The following DECR2 variants were observed in gnomAD, a reference collection of about 807,000 sequenced individuals.
DECR2 encodes peroxisomal 2,4-dienoyl-CoA reductase [(3E)-enoyl-CoA-producing].
A neutral mutation model predicts 29.2 loss-of-function variants in DECR2; 34 were observed. That is an observed-to-expected ratio of 1.16 (90% CI 0.89 to 1.55). DECR2 has a LOEUF of 1.55. Ranked by LOEUF, DECR2 falls within the 40% of genes most tolerant of loss-of-function variation. DECR2 has a pLI of 0.00. For missense variants in DECR2, 485 were observed against 425.3 expected (o/e 1.14, Z -1.23); for synonymous variants, 224 against 182.7 (o/e 1.23, Z -1.82).
Position 410,611 on chromosome 16 carries a change from C to A in DECR2, c.463-80C>A. On this transcript the variant is annotated intron_variant, in intron 5 of 8. Transcript: ENST00000219481. The surrounding 1 kb of genome is among the most constrained non-coding windows in gnomAD (Gnocchi z 4.1). Reference sequence around the variant, plus strand: ...CGCCCGCTCCCTGCCCCGGGCCTCCCCCTGACAGCCACCCGCTCACTGTCC... The same window carrying A: ...CGCCCGCTCCCTGCCCCGGGCCTCCACCTGACAGCCACCCGCTCACTGTCC... 5 of 1,436,778 alleles carry A rather than the reference C, an allele frequency of 3.5e-6. No homozygotes were observed. Among genetic ancestry groups the A allele is most frequent in the Admixed American group, 2.0e-5 (1 of 50,662 alleles). 89.0% of individuals were successfully genotyped at this position (1,436,778 alleles called of 1,614,324 possible). A position where few individuals can be genotyped will look rare whatever the true frequency, so the allele number is the denominator to read the frequency against.
intron 1 of DECR2, among the ~76,000 whole-genome samples, chr16:403,206 A>G (rs901132277): frequency 0.017 from 1 of 60 alleles, no homozygotes; most frequent in African/African-American, 0.083. Context: ...TTTCTAGTAG[A>G]GGTGAGTGTC....
At chr16:407,768 G>C (rs78372346) in intron 4 of DECR2, among the ~76,000 whole-genome samples, 67,075 of 134,162 alleles carry the variant, frequency 0.5, 16,483 homozygotes, top group South Asian at 0.61. Context: ...CTGTCTCCGG[G>C]CCCCTGTCTC....
intron 3 of DECR2, chr16:406,928 C>G: frequency 9.7e-7 from 1 of 1,030,894 alleles, no homozygotes; most frequent in Non-Finnish European, 1.2e-6. Context: ...AAAACTTGCA[C>G]CTATCCTAAA....
In DECR2 at chr16:406,439, G is replaced by C. The variant is rs139257963; in HGVS notation, c.201+42G>C. ...CATGGTCCCCTGTTCGGGTGGCTGT[G>C]GGGGGGCTGGGGCTGGGCCTGGGCC... On this transcript the variant is annotated intron_variant, in intron 3 of 8. Transcript: ENST00000219481. 4,347 of 1,593,528 alleles carry C rather than the reference G, an allele frequency of 2.7e-3. 74 individuals carry two copies. In the African/African-American group the frequency reaches 0.043, roughly 16 times the overall value.
chr16:403,105 T>C (rs2054686638), intron 1 of DECR2: 1 of 867,896 alleles, frequency 1.2e-6, no homozygotes, highest in Non-Finnish European at 1.4e-6. Context: ...TTGAAGCAAT[T>C]CTCCTGCCTC....
intron 3 of DECR2, chr16:407,130 C>CA: frequency 2.5e-6 from 3 of 1,216,590 alleles, no homozygotes; most frequent in Non-Finnish European, 2.1e-6. Context: ...AGGAGAGTCT[C>CA]ACCTGTGCCA....
At position 410,163 on chromosome 16, in the gene DECR2, C is replaced by T. The variant is rs574205608; in HGVS notation, c.338-80C>T. The T allele has an allele frequency of 6.3e-4, 983 of 1,549,940 alleles. 1 individual carries two copies. The highest frequency in any genetic ancestry group is 8.2e-4 in the Non-Finnish European group (944 of 1,146,234). ...CACCTGGGCTCCCTCCTGCACCCTC[C>T]GCTCTGCCCACCTGGCCACCACCCA... On this transcript the variant is annotated intron_variant, in intron 4 of 8. Coordinates refer to ENST00000219481, the MANE Select transcript of DECR2 (RefSeq NM_020664.4). The surrounding 1 kb of genome is among the most constrained non-coding windows in gnomAD (Gnocchi z 4.1).
In DECR2 at chr16:408,170, T is replaced by C. The variant is rs188793746; in HGVS notation, c.337+610T>C. ...GTCTCCGGCCCCCTGTCTCCGGGCC[T>C]CTGTCTCCGGGCCTCTGTCTCCGGC... On this transcript the variant is annotated intron_variant, in intron 4 of 8. Coordinates refer to ENST00000219481, the MANE Select transcript of DECR2 (RefSeq NM_020664.4). 1.1e-3 allele frequency among the ~76,000 whole-genome samples: 76 copies of C among 67,582 alleles called. 1 individual carries two copies. Among genetic ancestry groups the C allele is most frequent in the Non-Finnish European group, 1.4e-3 (44 of 32,154 alleles). The allele number at this position is 67,582 out of a possible 152,430, so 44.3% of individuals were successfully genotyped here. A position where few individuals can be genotyped will look rare whatever the true frequency, so the allele number is the denominator to read the frequency against.
chr16:406,363 T>C lies in DECR2; in HGVS notation c.167T>C (p.Val56Ala), dbSNP rs372407781. 95 of 1,607,334 alleles carry C rather than the reference T, an allele frequency of 5.9e-5. No homozygotes were observed. In the East Asian group the frequency reaches 7.4e-4, roughly 12 times the overall value. ...TTTTGCAGGCACGGCTGCCATACGGTGATTGCCAGTAGGAGCCTGCCGCGA... is the reference window on the plus strand; with the variant it reads ...TTTTGCAGGCACGGCTGCCATACGGCGATTGCCAGTAGGAGCCTGCCGCGA... Reference protein sequence around the residue: ...EIFMRHGCHTVIASRSLPRVL... With the variant: ...EIFMRHGCHTAIASRSLPRVL... The change falls in exon 3 of 9, where the codon GTG becomes GCG. Residue 56 changes from valine (V) to alanine (A), a missense_variant. By Grantham distance (64) the Val-to-Ala change is moderately conservative. Transcript: ENST00000219481.
At chr16:405,741 C>T (rs543380108) in intron 2 of DECR2, 5 of 539,640 alleles carry the variant, frequency 9.3e-6, no homozygotes, top group East Asian at 6.9e-5. Context: ...ATGCTGTTAC[C>T]CCCAGGCCCA....
chr16:407,439 G>A lies in DECR2; in HGVS notation c.216G>A (p.Leu72=), dbSNP rs375262640. Residue 72 remains leucine, a synonymous_variant, in exon 4 of 9, where the codon CTG becomes CTA. Transcript: ENST00000219481. ...CTGGCTTCTAGGCCGCCAGGAAGCT[G>A]GCTGGGGCCACCGGCCGGCGCTGCC... ...LPRVLTAARK[L]AGATGRRCLP... 9.5e-5 allele frequency: 153 copies of A among 1,609,712 alleles called. 2 individuals carry two copies. In the Middle Eastern group the frequency reaches 1.3e-3, roughly 13 times the overall value.
chr16:405,292 C>T (rs371138838), intron 2 of DECR2: 1 of 588,342 alleles, frequency 1.7e-6, no homozygotes, highest in Non-Finnish European at 3.0e-6. Context: ...CTGTGTCGGG[C>T]CCCAGTGCTG....
intron 1 of DECR2, chr16:403,052 GAA>G (rs540150756): frequency 2.7e-5 from 21 of 786,106 alleles, no homozygotes; most frequent in Admixed American, 6.6e-5. Flanking sequence ...TGTTCTGCAG[GAA>G]AAAAAAAAAG....
At chr16:403,939 C>T (rs770090870) in intron 1 of DECR2, among the ~76,000 whole-genome samples, 2 of 151,930 alleles carry the variant, frequency 1.3e-5, no homozygotes, top group Admixed American at 1.3e-4. Context: ...TTTGGGAGGC[C>T]GAGGTGGGTG....
rs1354214637 is a variant in DECR2, at chr16:412,294, G to A, written c.*405G>A. 1 of 152,242 alleles carries A rather than the reference G, an allele frequency of 6.6e-6. No individual in the cohort carries two copies. The highest frequency in any genetic ancestry group is 2.4e-5 in the African/African-American group (1 of 41,466). 9.4% of individuals were successfully genotyped at this position (152,242 alleles called of 1,614,324 possible). ...CCCATCTGTGCGTGGCCCATGAGCTGGGATGGTCCTCCAGCTGCCCACAAG... is the reference window on the plus strand; with the variant it reads ...CCCATCTGTGCGTGGCCCATGAGCTAGGATGGTCCTCCAGCTGCCCACAAG... On this transcript the variant is annotated 3_prime_UTR_variant, in exon 9 of 9. Transcript: ENST00000219481.
At position 410,314 on chromosome 16, in the gene DECR2, G is replaced by A. The variant is rs183925447; in HGVS notation, c.409G>A (p.Asp137Asn). The change falls in exon 5 of 9, where the codon GAT becomes AAT. Residue 137 changes from aspartate to asparagine, a missense_variant. Asp to Asn is a conservative substitution (Grantham distance 23). Transcript: ENST00000219481. The surrounding 1 kb of genome is among the most constrained non-coding windows in gnomAD (Gnocchi z 4.1). ...FNAFKTVMDI[D>N]TSGTFNVSRV... is the part of the protein sequence containing the mutation. The stretch of plus-strand genomic sequence containing the variant: ...CGCCTTCAAGACCGTGATGGACATC[G>A]ATACCAGCGGCACCTTCAATGTGTC... The A allele has an allele frequency of 9.3e-6, 15 of 1,613,496 alleles. No individual in the cohort carries two copies. The East Asian group carries it at 1.3e-4, about 14-fold the overall frequency.
At chr16:407,282 G>C in intron 3 of DECR2, 143 bp from the exon 4 acceptor site, 1 of 1,458,174 alleles carries the variant, frequency 6.9e-7, no homozygotes, top group Non-Finnish European at 9.0e-7. Context: ...GGCACTTGCA[G>C]GCTGTGCTTC....
At chr16:406,207 C>T (rs928887610) in intron 2 of DECR2, 139 bp from the exon 3 acceptor site, 28 of 825,680 alleles carry the variant, frequency 3.4e-5, no homozygotes, top group Middle Eastern at 5.2e-4. Context: ...GTCCTGTTCA[C>T]GCCCCTGTGC....
intron 2 of DECR2, among the ~76,000 whole-genome samples, chr16:406,093 C>G (rs2054720582): frequency 6.6e-6 from 1 of 152,234 alleles, no homozygotes; most frequent in Non-Finnish European, 1.5e-5. Context: ...ACAGCTGTCT[C>G]TGTACCTGGT....
Sources: gnomAD v4.1 joint callset for allele counts (sites outside exome capture counted in the v4.1 genomes callset) on GRCh38, gnomAD v4.1.1 for gene constraint, Gnocchi (gnomAD v3.1) non-coding constraint, MANE v1.5 for transcripts, NCBI Gene and HGNC (gene_info 2026-07-23, HGNC 2026-07-21) for gene names.